The following PTBP3 variants were observed in gnomAD, a reference collection of about 807,000 sequenced individuals.
PTBP3 encodes polypyrimidine tract-binding protein 3.
Under a neutral mutation model 58.7 loss-of-function variants are expected in PTBP3, and 20 were observed. The ratio of observed to expected loss-of-function variants is 0.34; its 90% CI spans 0.24 to 0.50. PTBP3 has a LOEUF of 0.50. PTBP3 is among the 20% of genes least tolerant of loss of function. The pLI, the probability that PTBP3 is intolerant of heterozygous loss-of-function variation, is 0.98. For missense variants in PTBP3, 509 were observed against 637.2 expected (o/e 0.80, Z 2.17); for synonymous variants, 185 against 219.8 (o/e 0.84, Z 1.40).
At chr9:112,295,224 G>C (rs1218478106) in intron 2 of PTBP3, among the ~76,000 whole-genome samples, 1 of 146,198 alleles carries the variant, frequency 6.8e-6, no homozygotes, top group Non-Finnish European at 1.5e-5. Context: ...GGGCGAGACA[G>C]AGCAATACTC....
At chr9:112,232,319 G>A (rs1835278519) in intron 8 of PTBP3, 81 bp from the exon 9 acceptor site, 2 of 1,333,382 alleles carry the variant, frequency 1.5e-6, no homozygotes, top group African/African-American at 1.5e-5. Context: ...TAAATAAAGA[G>A]GAAAGGAAAA....
the PTBP3 span, among the ~76,000 whole-genome samples, chr9:112,371,533 AT>A: frequency 3.9e-5 from 6 of 152,128 alleles, no homozygotes; most frequent in East Asian, 1.2e-3. Flanking sequence ...AAATAAACTT[AT>A]TAGAGCACTC....
the PTBP3 span, among the ~76,000 whole-genome samples, chr9:112,355,027 G>C: frequency 6.6e-6 from 1 of 152,186 alleles, no homozygotes; most frequent in Non-Finnish European, 1.5e-5. Flanking sequence ...GTTATTTACT[G>C]GGCACCAGGA....
chr9:112,366,272 ACT>A, the PTBP3 span, among the ~76,000 whole-genome samples: 1 of 110,438 alleles, frequency 9.1e-6, no homozygotes, highest in African/African-American at 3.3e-5. Context: ...ATAGAGTAAG[ACT>A]CTGTCTCAAA....
chr9:112,284,205 C>T (rs1196485599), intron 2 of PTBP3, among the ~76,000 whole-genome samples: 1 of 152,152 alleles, frequency 6.6e-6, no homozygotes, highest in East Asian at 1.9e-4. Flanking sequence ...ATGGTAGATC[C>T]ATTGACAGCT....
Position 112,257,891 on chromosome 9 carries a change from G to A in PTBP3, c.516+4544C>T, listed in dbSNP as rs184427832. Among the ~76,000 whole-genome samples, 416 of 146,358 alleles carry A rather than the reference G, an allele frequency of 2.8e-3. 4 individuals carry two copies. Among genetic ancestry groups the A allele is most frequent in the African/African-American group, 1.0e-2 (401 of 40,168 alleles). Reference sequence around the variant, plus strand: ...GGAGGCGGAGGTTGCAGTGAGCCATGATTGCACCACCACACTCCAGCCTGG... The same window carrying A: ...GGAGGCGGAGGTTGCAGTGAGCCATAATTGCACCACCACACTCCAGCCTGG... On this transcript the variant is annotated intron_variant, in intron 5 of 13. Transcript: ENST00000374257.
chr9:112,333,396 C>T (rs1368687955), intron 1 of PTBP3, 74 bp downstream of exon 1: 3 of 1,525,450 alleles, frequency 2.0e-6, no homozygotes, highest in Non-Finnish European at 2.7e-6. Context: ...CCAGCCCTTA[C>T]GCGTCCCGCG....
At chr9:112,265,383 C>T (rs1462767873) in intron 4 of PTBP3, among the ~76,000 whole-genome samples, 3 of 140,988 alleles carry the variant, frequency 2.1e-5, no homozygotes, top group African/African-American at 8.1e-5. Context: ...AGCACCTATA[C>T]TCCCAGCTAC....
chr9:112,295,195 C>T (rs911487890), intron 2 of PTBP3, among the ~76,000 whole-genome samples: 7 of 150,660 alleles, frequency 4.6e-5, no homozygotes, highest in Non-Finnish European at 8.8e-5. Context: ...GCAGAGACTG[C>T]GCCACTGCAC....
chr9:112,256,072 G>A (rs924188575), intron 5 of PTBP3, among the ~76,000 whole-genome samples: 3 of 151,716 alleles, frequency 2.0e-5, no homozygotes, highest in African/African-American at 4.8e-5. Context: ...TGGCCAACAT[G>A]GTGAAACCCC....
At chr9:112,339,162 A>C in the PTBP3 span, among the ~76,000 whole-genome samples, 1 of 152,044 alleles carries the variant, frequency 6.6e-6, no homozygotes, top group Non-Finnish European at 1.5e-5. Context: ...GTGGTGGCTC[A>C]TGCCTGTAGG....
At chr9:112,357,752 G>C in the PTBP3 span, among the ~76,000 whole-genome samples, 3 of 151,968 alleles carry the variant, frequency 2.0e-5, no homozygotes, top group African/African-American at 7.3e-5. Context: ...CAGCTTCTTA[G>C]ACTTTCTTTC....
At chr9:112,359,215 C>T in the PTBP3 span, among the ~76,000 whole-genome samples, 1 of 149,832 alleles carries the variant, frequency 6.7e-6, no homozygotes, top group Admixed American at 6.6e-5. Flanking sequence ...CCGAGGTGAG[C>T]GGATCACCTG....
At chr9:112,286,768 CTCA>C (rs752446291) in intron 2 of PTBP3, among the ~76,000 whole-genome samples, 5 of 152,156 alleles carry the variant, frequency 3.3e-5, no homozygotes, top group African/African-American at 1.2e-4. Flanking sequence ...TATCATTTTC[CTCA>C]TGTTTAAAGT....
At chr9:112,256,315 C>T (rs573710051) in intron 5 of PTBP3, among the ~76,000 whole-genome samples, 107 of 132,970 alleles carry the variant, frequency 8.0e-4, no homozygotes, top group Admixed American at 2.1e-3. Context: ...ATATATTTAT[C>T]TATCTTGCTG....
chr9:112,295,545 G>A (rs914219334), intron 2 of PTBP3, among the ~76,000 whole-genome samples: 1 of 138,890 alleles, frequency 7.2e-6, no homozygotes, highest in Admixed American at 7.7e-5. Context: ...AAGAACAGAA[G>A]AGTAGCAGTT....
At chr9:112,259,588 T>C (rs943880710) in intron 5 of PTBP3, among the ~76,000 whole-genome samples, 18 of 152,184 alleles carry the variant, frequency 1.2e-4, no homozygotes, top group African/African-American at 4.1e-4. Flanking sequence ...TCAGATATCA[T>C]ATTGCAAAGA....
chr9:112,244,154 T>C (rs1835773265), intron 7 of PTBP3, among the ~76,000 whole-genome samples: 1 of 150,788 alleles, frequency 6.6e-6, no homozygotes, highest in East Asian at 2.0e-4. Context: ...ACAAAAACCA[T>C]GGTGGCATGC....
chr9:112,239,279 GT>G (rs1330165690), intron 7 of PTBP3, among the ~76,000 whole-genome samples: 1 of 152,152 alleles, frequency 6.6e-6, no homozygotes, highest in Non-Finnish European at 1.5e-5. Context: ...TGTTTGCATG[GT>G]TATTTTGCTT....
Sources: gnomAD v4.1 joint callset for allele counts (sites outside exome capture counted in the v4.1 genomes callset) on GRCh38, gnomAD v4.1.1 for gene constraint, MANE v1.5 for transcripts, NCBI Gene and HGNC (gene_info 2026-07-23, HGNC 2026-07-21) for gene names.